Variants in ADAMTSL1 observed in about 807,000 individuals in gnomAD.
ADAMTSL1 encodes the protein ADAMTS like 1.
In ADAMTSL1, 126 loss-of-function variants were observed where a neutral mutation model predicts 201.8. The observed-to-expected ratio is 0.62, with a 90% CI of 0.54 to 0.72. The LOEUF (loss-of-function observed/expected upper bound fraction) is 0.72. ADAMTSL1 is among the 30% of genes least tolerant of loss of function. The probability of loss-of-function intolerance (pLI) is 0.00; values close to 1 mark genes in which losing one functional copy is unlikely to be tolerated. For missense variants in ADAMTSL1, 2,679 were observed against 2,277.8 expected (o/e 1.18, Z -3.59); for synonymous variants, 1,121 against 903.4 (o/e 1.24, Z -4.32).
At chr9:18,611,851 C>T (rs112640333) in intron 4 of ADAMTSL1, among the ~76,000 whole-genome samples, 28 of 152,266 alleles carry the variant, frequency 1.8e-4, no homozygotes, top group Admixed American at 1.4e-3. Context: ...CAGAGGCTGC[C>T]GAAGTTCCTA....
chr9:18,858,296 AC>A (rs1250041273), intron 23 of ADAMTSL1, among the ~76,000 whole-genome samples: 1 of 150,948 alleles, frequency 6.6e-6, no homozygotes, highest in Non-Finnish European at 1.5e-5. Context: ...TGCTGCCCCC[AC>A]CCCCACACAG....
chr9:18,833,844 C>A (rs1175726850), intron 23 of ADAMTSL1, among the ~76,000 whole-genome samples: 16 of 152,110 alleles, frequency 1.1e-4, no homozygotes, highest in Non-Finnish European at 1.8e-4. Context: ...AGTCTTCAAT[C>A]CATCTTGAGT....
intron 1 of ADAMTSL1, 80 bp downstream of exon 1, chr9:18,474,375 T>TTG (rs146877500): frequency 5.6e-4 from 753 of 1,340,168 alleles, no homozygotes; most frequent in African/African-American, 2.7e-3. Context: ...GTATGTGTGT[T>TTG]TGTGTGTGTG....
At chr9:18,284,640 C>G in intron 2 of ADAMTSL1, among the ~76,000 whole-genome samples, 1 of 152,106 alleles carries the variant, frequency 6.6e-6, no homozygotes. Context: ...TCATCTGTTT[C>G]CTATGTGATC....
intron 1 of ADAMTSL1, among the ~76,000 whole-genome samples, chr9:17,929,431 A>G (rs1365223869): frequency 6.6e-6 from 1 of 152,042 alleles, no homozygotes; most frequent in Non-Finnish European, 1.5e-5. Flanking sequence ...CCCATTGAGA[A>G]TGCATGCTTC....
chr9:18,457,314 A>G (rs1820642779), intron 2 of ADAMTSL1, among the ~76,000 whole-genome samples: 1 of 152,012 alleles, frequency 6.6e-6, no homozygotes, highest in Non-Finnish European at 1.5e-5. Flanking sequence ...ATAGACATAT[A>G]TTAAGGAGGG....
chr9:18,410,074 A>G (rs74880153), intron 2 of ADAMTSL1, among the ~76,000 whole-genome samples: 3,583 of 151,860 alleles, frequency 0.024, 163 homozygotes, highest in African/African-American at 0.082. Flanking sequence ...GATACCCTTT[A>G]TTACATTAAA....
intron 2 of ADAMTSL1, among the ~76,000 whole-genome samples, chr9:18,316,378 G>A (rs572390591): frequency 6.6e-6 from 1 of 152,142 alleles, no homozygotes; most frequent in East Asian, 1.9e-4. Flanking sequence ...GGAGACTGGG[G>A]TCCATTTCAC....
intron 2 of ADAMTSL1, among the ~76,000 whole-genome samples, chr9:18,516,662 T>C (rs1462269378): frequency 6.6e-6 from 1 of 152,226 alleles, no homozygotes; most frequent in African/African-American, 2.4e-5. Flanking sequence ...TTGGACTAGA[T>C]TTTAGTTTCT....
chr9:18,362,344 C>CTAG (rs1836565222), intron 2 of ADAMTSL1: 1 of 152,210 alleles, frequency 6.6e-6, no homozygotes, highest in Non-Finnish European at 1.5e-5. Flanking sequence ...TCACATATGT[C>CTAG]TAGTATTGCA....
intron 2 of ADAMTSL1, among the ~76,000 whole-genome samples, chr9:18,184,460 G>A (rs1828643003): frequency 6.6e-6 from 1 of 152,068 alleles, no homozygotes; most frequent in Non-Finnish European, 1.5e-5. Flanking sequence ...ATTTTCCATA[G>A]GCAGTTAAAT....
At chr9:18,829,694 T>C in intron 22 of ADAMTSL1, 149 bp from the exon 23 acceptor site, 1 of 1,087,226 alleles carries the variant, frequency 9.2e-7, no homozygotes, top group South Asian at 1.7e-5. Flanking sequence ...GACTCCTCTA[T>C]AGGAAAAATA....
At chr9:18,541,637 G>T (rs1366680285) in intron 3 of ADAMTSL1, among the ~76,000 whole-genome samples, 1 of 152,176 alleles carries the variant, frequency 6.6e-6, no homozygotes, top group Non-Finnish European at 1.5e-5. Flanking sequence ...GAAAGAACAT[G>T]GGCCCTCTTG....
At chr9:18,079,545 G>A (rs1823385507) in intron 1 of ADAMTSL1, among the ~76,000 whole-genome samples, 1 of 151,882 alleles carries the variant, frequency 6.6e-6, no homozygotes, top group African/African-American at 2.4e-5. Context: ...AGCCGGGCAT[G>A]GTGGTGCACG....
chr9:17,970,569 A>C (rs1395254378), intron 1 of ADAMTSL1, among the ~76,000 whole-genome samples: 2 of 152,044 alleles, frequency 1.3e-5, no homozygotes, highest in African/African-American at 2.4e-5. Flanking sequence ...TAAGGCTGCC[A>C]CAGTGGCTTC....
intron 5 of ADAMTSL1, among the ~76,000 whole-genome samples, chr9:18,624,809 A>C (rs1826252759): frequency 6.6e-6 from 1 of 152,162 alleles, no homozygotes; most frequent in Non-Finnish European, 1.5e-5. Context: ...TAAATACCTC[A>C]ATGAAAAGTG....
intron 23 of ADAMTSL1, among the ~76,000 whole-genome samples, chr9:18,868,512 T>G (rs1827681685): frequency 6.6e-6 from 1 of 152,212 alleles, no homozygotes; most frequent in African/African-American, 2.4e-5. Context: ...AAATCTAGAG[T>G]AGCCTTTACC....
At chr9:18,099,048 T>C (rs1441267995) in intron 1 of ADAMTSL1, among the ~76,000 whole-genome samples, 1 of 151,866 alleles carries the variant, frequency 6.6e-6, no homozygotes, top group African/African-American at 2.4e-5. Context: ...ATCTGTTTAT[T>C]TCATCCTATC....
At chr9:18,698,779 A>G (rs1311846874) in intron 13 of ADAMTSL1, among the ~76,000 whole-genome samples, 1 of 152,228 alleles carries the variant, frequency 6.6e-6, no homozygotes, top group East Asian at 1.9e-4. Flanking sequence ...ATGAGACAGA[A>G]TGAGGATTAG....
Sources: allele counts gnomAD v4.1 joint callset (sites outside exome capture counted in the v4.1 genomes callset), GRCh38; gene constraint gnomAD v4.1.1; transcripts MANE v1.5; gene names NCBI Gene and HGNC (gene_info 2026-07-23, HGNC 2026-07-21).